The following PTPRT variants were observed in gnomAD, a reference collection of about 807,000 sequenced individuals.
PTPRT encodes protein tyrosine phosphatase receptor type T.
In PTPRT, 56 loss-of-function variants were observed where a neutral mutation model predicts 176.8. That is an observed-to-expected ratio of 0.32 (90% confidence interval 0.26 to 0.40). The LOEUF is 0.40. Ranked by LOEUF, PTPRT falls within the 10% of genes least tolerant of loss-of-function variation. The probability of loss-of-function intolerance (pLI) is 1.00; values close to 1 mark genes in which losing one functional copy is unlikely to be tolerated. For missense variants in PTPRT, 1,540 were observed against 1,908.2 expected (o/e 0.81, Z 3.60); for synonymous variants, 783 against 739.0 (o/e 1.06, Z -0.96).
chr20:42,086,651 C>A (rs892665445), intron 27 of PTPRT, among the ~76,000 whole-genome samples: 1 of 142,088 alleles, frequency 7.0e-6, no homozygotes, highest in Non-Finnish European at 1.5e-5. Flanking sequence ...ATAGGGGTTT[C>A]GGGAGGCGGA....
At chr20:42,905,601 T>C (rs2145923866) in intron 1 of PTPRT, among the ~76,000 whole-genome samples, 1 of 152,268 alleles carries the variant, frequency 6.6e-6, no homozygotes, top group East Asian at 1.9e-4. Flanking sequence ...CATGCTACTA[T>C]AAAGACACAT....
At chr20:42,346,785 G>A (rs554830988) in intron 11 of PTPRT, among the ~76,000 whole-genome samples, 1 of 152,282 alleles carries the variant, frequency 6.6e-6, no homozygotes, top group Non-Finnish European at 1.5e-5. Flanking sequence ...CTGCCTGAGT[G>A]GGGTCTGAAG....
rs575454638 is a variant in PTPRT, at chr20:42,998,161, G to A, written c.89-112229C>T. Among the ~76,000 whole-genome samples, 26 of 152,262 alleles carry A rather than the reference G, an allele frequency of 1.7e-4. No homozygotes were observed. The South Asian group carries it at 5.0e-3, about 29-fold the overall frequency. On this transcript the variant is annotated intron_variant, in intron 1 of 30. Coordinates refer to ENST00000373187, the MANE Select transcript of PTPRT (RefSeq NM_007050.6). Reference sequence around the variant, plus strand: ...TGCAAACATTAACCAGAGGATAGATGGGAATGCATAATTCACAACTAGCTG... The same window carrying A: ...TGCAAACATTAACCAGAGGATAGATAGGAATGCATAATTCACAACTAGCTG...
intron 1 of PTPRT, among the ~76,000 whole-genome samples, chr20:43,002,191 C>T (rs1161132545): frequency 2.0e-5 from 3 of 152,170 alleles, no homozygotes; most frequent in African/African-American, 7.2e-5. Context: ...TTCCCGAGGC[C>T]TCCCTAGCCA....
chr20:42,791,440 C>A lies in PTPRT; in HGVS notation c.241G>T (p.Gly81Trp). Residue 81 changes from glycine to tryptophan, a missense_variant, in exon 3 of 31, where the codon GGG (glycine) becomes TGG (tryptophan). Gly to Trp is a radical substitution (Grantham distance 184). Coordinates refer to ENST00000373187, the MANE Select transcript of PTPRT (RefSeq NM_007050.6). ...TGSFMMVNSS[G>W]RASGQKAHLL... ...TGGGCCTTCTGGCCAGAGGCTCTCC[C>A]AGAGCTGTTCACCATCATGAAAGAT... 6.2e-7 allele frequency: 1 copy of A among 1,612,582 alleles called. No homozygotes were observed. Among genetic ancestry groups the A allele is most frequent in the Non-Finnish European group, 8.5e-7 (1 of 1,179,210 alleles).
chr20:43,054,125 C>T (rs1438169282), intron 1 of PTPRT, among the ~76,000 whole-genome samples: 1 of 152,148 alleles, frequency 6.6e-6, no homozygotes, highest in East Asian at 1.9e-4. Flanking sequence ...GGAAGTCCTG[C>T]CTTCCTGGAG....
At chr20:42,346,393 G>A (rs1053379403) in intron 11 of PTPRT, among the ~76,000 whole-genome samples, 1 of 152,170 alleles carries the variant, frequency 6.6e-6, no homozygotes, top group Non-Finnish European at 1.5e-5. Context: ...GGGCGTGGGG[G>A]AAGAAGGCTC....
chr20:42,311,839 A>G lies in PTPRT; in HGVS notation c.2139+3884T>C, dbSNP rs1484370924. On this transcript the variant is annotated intron_variant, in intron 12 of 30. Transcript: ENST00000373187. ...TCAGCTTTTTAAGTATAGATTGGAG[A>G]GCTGACTTTGTTTAAAAGAACTATA... Among the ~76,000 whole-genome samples the G allele has an allele frequency of 2.0e-5, 3 of 151,622 alleles. No homozygotes were observed. The East Asian group carries it at 5.8e-4, about 29-fold the overall frequency.
chr20:42,523,928 G>A (rs2072222936), intron 7 of PTPRT, among the ~76,000 whole-genome samples: 1 of 152,166 alleles, frequency 6.6e-6, no homozygotes, highest in East Asian at 1.9e-4. Flanking sequence ...GAAGGCTGTA[G>A]TGTGCTATGT....
At chr20:42,941,811 TAG>T (rs1980571962) in intron 1 of PTPRT, among the ~76,000 whole-genome samples, 1 of 152,092 alleles carries the variant, frequency 6.6e-6, no homozygotes, top group Non-Finnish European at 1.5e-5. Context: ...ATCCTCCAAG[TAG>T]AAAATTATGC....
At chr20:42,302,479 A>G (rs181061968) in intron 12 of PTPRT, among the ~76,000 whole-genome samples, 2 of 152,242 alleles carry the variant, frequency 1.3e-5, no homozygotes, top group East Asian at 3.9e-4. Flanking sequence ...TACCTGGAAA[A>G]TATCCACTTA....
intron 1 of PTPRT, among the ~76,000 whole-genome samples, chr20:42,964,676 A>G (rs1982195380): frequency 6.6e-6 from 1 of 152,172 alleles, no homozygotes; most frequent in East Asian, 1.9e-4. Flanking sequence ...CTCTCCCTAC[A>G]TGGAATTAAT....
At chr20:42,477,793 T>A (rs1260392325) in intron 7 of PTPRT, among the ~76,000 whole-genome samples, 1 of 152,034 alleles carries the variant, frequency 6.6e-6, no homozygotes, top group Non-Finnish European at 1.5e-5. Flanking sequence ...TGGAAAACCA[T>A]CCTCTGATAG....
chr20:42,648,238 C>G (rs536131951), intron 7 of PTPRT, among the ~76,000 whole-genome samples: 1 of 151,974 alleles, frequency 6.6e-6, no homozygotes, highest in Non-Finnish European at 1.5e-5. Flanking sequence ...TCCTCCATCA[C>G]TTCAATCAAG....
Position 42,736,298 on chromosome 20 carries a change from A to C in PTPRT, c.859+20164T>G, listed in dbSNP as rs144709189. Among the ~76,000 whole-genome samples, 1,425 of 152,326 alleles carry C rather than the reference A, an allele frequency of 9.4e-3. 32 individuals carry two copies. The highest frequency in any genetic ancestry group is 0.033 in the African/African-American group (1,380 of 41,584). ...AGGAGCAGCATGTGCAAAGGCTCTG[A>C]GGCTAACTAGAACTATCTGGGCTGG... On this transcript the variant is annotated intron_variant, in intron 6 of 30. Transcript: ENST00000373187.
At chr20:42,476,584 A>G (rs1245325272) in intron 7 of PTPRT, among the ~76,000 whole-genome samples, 1 of 152,106 alleles carries the variant, frequency 6.6e-6, no homozygotes, top group African/African-American at 2.4e-5. Context: ...TGGGGAGATG[A>G]TTTTTCTACT....
In PTPRT at chr20:42,668,505, C is replaced by T. The variant is rs372900074; in HGVS notation, c.1153+9361G>A. 3.9e-5 allele frequency among the ~76,000 whole-genome samples: 6 copies of T among 152,036 alleles called. 1 individual carries two copies. In the East Asian group the frequency reaches 5.8e-4, roughly 15 times the overall value. On this transcript the variant is annotated intron_variant, in intron 7 of 30. Coordinates refer to ENST00000373187, the MANE Select transcript of PTPRT (RefSeq NM_007050.6). ...ACTTCATGGGTTAGGGGAAGTGAGT[C>T]TCTGGGATTATGAATTATAGGTTTA... is the stretch of plus-strand genomic sequence containing the variant.
intron 1 of PTPRT, among the ~76,000 whole-genome samples, chr20:43,067,799 C>T (rs1248846254): frequency 6.6e-6 from 1 of 150,478 alleles, no homozygotes; most frequent in Non-Finnish European, 1.5e-5. Context: ...CCCATCTCTA[C>T]ATAAAACTTT....
intron 1 of PTPRT, among the ~76,000 whole-genome samples, chr20:42,951,001 G>T (rs1981203647): frequency 6.6e-6 from 1 of 152,218 alleles, no homozygotes; most frequent in South Asian, 2.1e-4. Context: ...CTTCATCAAA[G>T]AGCACTTTTA....
Sources: allele counts gnomAD v4.1 joint callset (sites outside exome capture counted in the v4.1 genomes callset), GRCh38; gene constraint gnomAD v4.1.1; transcripts MANE v1.5; gene names NCBI Gene and HGNC (gene_info 2026-07-23, HGNC 2026-07-21).